The following GDF1 variants were observed in gnomAD, a reference collection of about 807,000 sequenced individuals.
The protein encoded by GDF1 is embryonic growth/differentiation factor 1.
GDF1 carries 8 observed loss-of-function variants against 7.4 expected under a neutral mutation model. The ratio of observed to expected loss-of-function variants is 1.09; its 90% CI spans 0.64 to 1.96. GDF1 has a LOEUF of 1.96. GDF1 is among the 30% of genes most tolerant of loss of function. GDF1 has a pLI of 0.00. For missense variants in GDF1, 574 were observed against 551.5 expected (o/e 1.04, Z -0.41); for synonymous variants, 311 against 276.7 (o/e 1.12, Z -1.23).
At chr19:18,886,342 G>A (rs1451678718) in intron 2 of GDF1, among the ~76,000 whole-genome samples, 1 of 152,130 alleles carries the variant, frequency 6.6e-6, no homozygotes, top group Non-Finnish European at 1.5e-5. Context: ...AAGGTCAGGA[G>A]ATCAAGACCA....
chr19:18,879,138 G>C, intron 5 of GDF1, 99 bp from the exon 6 acceptor site: 1 of 1,589,426 alleles, frequency 6.3e-7, no homozygotes, highest in Non-Finnish European at 8.6e-7. Flanking sequence ...CACACGGGCT[G>C]TCTGCCACCT....
chr19:18,893,713 C>G, intron 1 of GDF1, 138 bp from the exon 2 acceptor site: 4 of 864,318 alleles, frequency 4.6e-6, no homozygotes, highest in East Asian at 2.7e-5. Flanking sequence ...CCACAGCCAC[C>G]TGGAGCATAA....
intron 2 of GDF1, among the ~76,000 whole-genome samples, chr19:18,886,919 C>T (rs2056375972): frequency 6.6e-6 from 1 of 152,234 alleles, no homozygotes; most frequent in African/African-American, 2.4e-5. Context: ...CTCCAGCGAT[C>T]CCTGGCCCCC....
In GDF1 at chr19:18,880,398, C is replaced by T. The variant is rs1164242852; in HGVS notation, c.-695G>A. 2 of 1,589,182 alleles carry T rather than the reference C, an allele frequency of 1.3e-6. No individual in the cohort carries two copies. Among genetic ancestry groups the T allele is most frequent in the Non-Finnish European group, 1.7e-6 (2 of 1,168,104 alleles). On this transcript the variant is annotated 5_prime_UTR_variant, in exon 4 of 8. Coordinates refer to ENST00000247005, the MANE Select transcript of GDF1 (RefSeq NM_001492.6). ...AACTCAAGCTGCACGTCACTGATAT[C>T]GTGCAGGAAGAGCACAAGGATGCCC...
In GDF1 at chr19:18,880,306, T is replaced by C; in HGVS notation, c.-603A>G. The C allele has an allele frequency of 1.9e-6, 3 of 1,552,570 alleles. No homozygotes were observed. Among genetic ancestry groups the C allele is most frequent in the Non-Finnish European group, 2.6e-6 (3 of 1,148,162 alleles). On this transcript the variant is annotated 5_prime_UTR_variant, in exon 4 of 8. Coordinates refer to ENST00000247005, the MANE Select transcript of GDF1 (RefSeq NM_001492.6). ...AGCCGAAGCTGAGGCAGCCCAAGTC[T>C]GCTGCCAAGGCATGCAGCCGATGGT...
Position 18,869,405 on chromosome 19 carries a change from A to G in GDF1, c.326-15T>C. On this transcript the variant is annotated splice_polypyrimidine_tract_variant and intron_variant, in intron 7 of 7. Coordinates refer to ENST00000247005, the MANE Select transcript of GDF1 (RefSeq NM_001492.6). ...GGTGGGCGCACCTGGGGAGGTAGGA[A>G]CAGGAACTCGGCTCGCGCTGCGTCC... 6.6e-7 allele frequency: 1 copy of G among 1,526,028 alleles called. No individual in the cohort carries two copies. Among genetic ancestry groups the G allele is most frequent in the Non-Finnish European group, 8.7e-7 (1 of 1,143,026 alleles). The allele number at this position is 1,526,028 out of a possible 1,614,324, so 94.5% of individuals were successfully genotyped here.
chr19:18,883,660 A>T (rs1254534894), intron 3 of GDF1, among the ~76,000 whole-genome samples: 2 of 152,236 alleles, frequency 1.3e-5, no homozygotes, highest in African/African-American at 4.8e-5. Context: ...TCCATCTGAA[A>T]GGCTCACTGA....
At chr19:18,876,041 A>G (rs2056054957) in intron 6 of GDF1, among the ~76,000 whole-genome samples, 1 of 152,148 alleles carries the variant, frequency 6.6e-6, no homozygotes, top group African/African-American at 2.4e-5. Flanking sequence ...GGAAAGTAAC[A>G]TTCAATGCCT....
rs2055945696 is a variant in GDF1, at chr19:18,870,340, G to C, written c.-33C>G. On this transcript the variant is annotated 5_prime_UTR_variant, in exon 7 of 8. Transcript: ENST00000247005. This position sits in a 1 kb window ranked among gnomAD's most constrained non-coding sequence, Gnocchi z 5.1. Reference sequence around the variant, plus strand: ...CCAGGCGATGACCAGAGAGTGCGCAGGGTCCGCGGCGGCCCGGGACCAGTG... The same window carrying C: ...CCAGGCGATGACCAGAGAGTGCGCACGGTCCGCGGCGGCCCGGGACCAGTG... 1 of 1,543,288 alleles carries C rather than the reference G, an allele frequency of 6.5e-7. No homozygotes were observed. The highest frequency in any genetic ancestry group is 8.7e-7 in the Non-Finnish European group (1 of 1,145,880).
At chr19:18,890,825 C>A (rs931715254) in intron 2 of GDF1, among the ~76,000 whole-genome samples, 8 of 144,672 alleles carry the variant, frequency 5.5e-5, no homozygotes, top group Admixed American at 3.5e-4. Flanking sequence ...CAAGTCCATG[C>A]CCAAAATGTT....
Position 18,880,442 on chromosome 19 carries a change from G to T in GDF1, c.-732-7C>A. 6.3e-7 allele frequency: 1 copy of T among 1,577,238 alleles called. No individual in the cohort carries two copies. The highest frequency in any genetic ancestry group is 1.8e-5 in the Admixed American group (1 of 56,012). ...GATGCCCACATTGTGGTACCTGGGG[G>T]AGCAGCAGGCAGAGAGGAGAGGGCA... On this transcript the variant is annotated splice_polypyrimidine_tract_variant and splice_region_variant and intron_variant, in intron 3 of 7. Coordinates refer to ENST00000247005, the MANE Select transcript of GDF1 (RefSeq NM_001492.6).
Position 18,878,562 on chromosome 19 carries a change from C to A in GDF1, c.-313+368G>T. Reference sequence around the variant, plus strand: ...GCCCCACTGCCACCAGCTCCAGTGGCGACATGGGTCAGAGGTCGTCATCCA... The same window carrying A: ...GCCCCACTGCCACCAGCTCCAGTGGAGACATGGGTCAGAGGTCGTCATCCA... On this transcript the variant is annotated intron_variant, in intron 6 of 7. Coordinates refer to ENST00000247005, the MANE Select transcript of GDF1 (RefSeq NM_001492.6). The surrounding 1 kb of genome is among the most constrained non-coding windows in gnomAD (Gnocchi z 4.6). 2 of 1,040,360 alleles carry A rather than the reference C, an allele frequency of 1.9e-6. No individual in the cohort carries two copies. The highest frequency in any genetic ancestry group is 2.3e-6 in the Non-Finnish European group (2 of 862,590). 64.4% of individuals were successfully genotyped at this position (1,040,360 alleles called of 1,614,324 possible).
intron 3 of GDF1, chr19:18,881,780 C>CTCA (rs1422991084): frequency 6.6e-6 from 1 of 152,232 alleles, no homozygotes; most frequent in East Asian, 1.9e-4. Flanking sequence ...TGCTCATCTG[C>CTCA]TCATCTGTCA....
rs1220079011 is a variant in GDF1 at position 18,870,136 on chromosome 19, C to T, written c.172G>A (p.Val58Ile). The change falls in exon 7 of 8, where the codon GTT (valine) becomes ATT (isoleucine). Residue 58 changes from valine to isoleucine, a missense_variant. Coordinates refer to ENST00000247005, the MANE Select transcript of GDF1 (RefSeq NM_001492.6). The surrounding 1 kb of genome is among the most constrained non-coding windows in gnomAD (Gnocchi z 5.1). ...EPQGAPRLRPVPPVMWRLFRR... is the reference protein window; with the variant it reads ...EPQGAPRLRPIPPVMWRLFRR... Reference sequence around the variant, plus strand: ...AACAGGCGCCACATGACCGGGGGAACCGGCCGGAGCCTGGGGGCACCCTGG... The same window carrying T: ...AACAGGCGCCACATGACCGGGGGAATCGGCCGGAGCCTGGGGGCACCCTGG... 1 of 1,564,324 alleles carries T rather than the reference C, an allele frequency of 6.4e-7. No homozygotes were observed. Among genetic ancestry groups the T allele is most frequent in the South Asian group, 1.2e-5 (1 of 85,862 alleles).
chr19:18,876,890 G>T (rs2056069838), intron 6 of GDF1, among the ~76,000 whole-genome samples: 4 of 152,116 alleles, frequency 2.6e-5, no homozygotes. Context: ...CTTGGTGAAG[G>T]TCCCTTTCCT....
intron 1 of GDF1, among the ~76,000 whole-genome samples, chr19:18,894,530 G>A (rs941197363): frequency 6.6e-6 from 1 of 152,110 alleles, no homozygotes; most frequent in African/African-American, 2.4e-5. Flanking sequence ...GGCCCCCGGG[G>A]CTCGGCCCTG....
chr19:18,879,725 C>T (rs1334694793), intron 4 of GDF1, among the ~76,000 whole-genome samples: 1 of 148,788 alleles, frequency 6.7e-6, no homozygotes, highest in African/African-American at 2.5e-5. Flanking sequence ...CAGTCCCTCC[C>T]CTTTCCTGCC....
At chr19:18,890,484 A>G (rs2056462684) in intron 2 of GDF1, among the ~76,000 whole-genome samples, 1 of 152,230 alleles carries the variant, frequency 6.6e-6, no homozygotes, top group South Asian at 2.1e-4. Context: ...GTCATTTACA[A>G]AAAGCAACTA....
chr19:18,888,888 TC>T (rs1212336679), intron 2 of GDF1, among the ~76,000 whole-genome samples: 19 of 146,128 alleles, frequency 1.3e-4, no homozygotes, highest in African/African-American at 4.6e-4. Context: ...TTTCTTTCTT[TC>T]TTTTTTTTTT....
Sources: allele counts gnomAD v4.1 joint callset (sites outside exome capture counted in the v4.1 genomes callset), GRCh38; gene constraint gnomAD v4.1.1; non-coding constraint Gnocchi (gnomAD v3.1); transcripts MANE v1.5; gene names NCBI Gene and HGNC (gene_info 2026-07-23, HGNC 2026-07-21).